The following CAAP1 variants were observed in gnomAD, a reference collection of about 807,000 sequenced individuals.
CAAP1 encodes the protein conserved anti-apoptotic protein.
Under a neutral mutation model 34.0 loss-of-function variants are expected in CAAP1, and 20 were observed. The ratio of observed to expected loss-of-function variants is 0.59; its 90% CI spans 0.41 to 0.86. The LOEUF (loss-of-function observed/expected upper bound fraction) is 0.86, where lower values mean the gene tolerates loss of function less well. Ranked by LOEUF, CAAP1 falls within the 40% of genes least tolerant of loss-of-function variation. The pLI, the probability that CAAP1 is intolerant of heterozygous loss-of-function variation, is 0.00. For missense variants in CAAP1, 538 were observed against 450.5 expected, an observed-to-expected ratio of 1.19 and a Z score of -1.76; for synonymous variants, 213 against 166.7, an observed-to-expected ratio of 1.28 and a Z score of -2.14.
rs529852414 is a variant in CAAP1 at position 26,847,468 on chromosome 9, C to T, written c.740-4821G>A. Reference sequence around the variant, plus strand: ...TGACCTCGTGATCCGCCCGTCTCGGCCTCCCAAAGTGCTGGGATTACAGGA... The same window carrying T: ...TGACCTCGTGATCCGCCCGTCTCGGTCTCCCAAAGTGCTGGGATTACAGGA... On this transcript the variant is annotated intron_variant, in intron 5 of 5. Transcript: ENST00000333916. Among the ~76,000 whole-genome samples, 9 of 152,024 alleles carry T rather than the reference C, an allele frequency of 5.9e-5. No homozygotes were observed. In the South Asian group the frequency reaches 1.9e-3, roughly 32 times the overall value.
At chr9:26,878,169 T>C (rs1823492427) in intron 4 of CAAP1, among the ~76,000 whole-genome samples, 3 of 152,228 alleles carry the variant, frequency 2.0e-5, no homozygotes, top group Non-Finnish European at 4.4e-5. Context: ...CCAAGAATAA[T>C]TCTTCATGCT....
chr9:26,850,839 T>C (rs1267605046), intron 5 of CAAP1, among the ~76,000 whole-genome samples: 1 of 152,226 alleles, frequency 6.6e-6, no homozygotes, highest in Non-Finnish European at 1.5e-5. Context: ...AGGTTGACCA[T>C]CATTTATAAA....
intron 1 of CAAP1, among the ~76,000 whole-genome samples, chr9:26,889,323 C>G (rs1391971442): frequency 6.6e-6 from 1 of 151,996 alleles, no homozygotes; most frequent in African/African-American, 2.4e-5. Context: ...GAGGCTGAGG[C>G]AGAAGAATTG....
At chr9:26,850,919 T>C (rs1162734827) in intron 5 of CAAP1, among the ~76,000 whole-genome samples, 2 of 152,228 alleles carry the variant, frequency 1.3e-5, no homozygotes, top group Non-Finnish European at 2.9e-5. Context: ...AGAAAACCTG[T>C]CTAGTATTCT....
At chr9:26,872,553 A>AATATATAT (rs145299717) in intron 4 of CAAP1, among the ~76,000 whole-genome samples, 18 of 142,560 alleles carry the variant, frequency 1.3e-4, no homozygotes, top group African/African-American at 3.5e-4. Context: ...ATATACATAT[A>AATATATAT]ATATATATAT....
At chr9:26,862,660 A>G (rs1033073628) in intron 4 of CAAP1, among the ~76,000 whole-genome samples, 1 of 152,182 alleles carries the variant, frequency 6.6e-6, no homozygotes, top group Non-Finnish European at 1.5e-5. Flanking sequence ...AAGGGTTGCT[A>G]AAGAGCCAAG....
chr9:26,877,067 T>C (rs906059143), intron 4 of CAAP1, among the ~76,000 whole-genome samples: 1 of 152,128 alleles, frequency 6.6e-6, no homozygotes, highest in Non-Finnish European at 1.5e-5. Context: ...GGCGGATCAC[T>C]TGAGCCCAGG....
At chr9:26,852,043 A>G (rs1262665199) in intron 5 of CAAP1, among the ~76,000 whole-genome samples, 5 of 152,104 alleles carry the variant, frequency 3.3e-5, no homozygotes, top group Admixed American at 3.3e-4. Context: ...ATGTAAAATT[A>G]TTTATTTATT....
At chr9:26,876,191 T>C (rs1322481531) in intron 4 of CAAP1, among the ~76,000 whole-genome samples, 1 of 152,176 alleles carries the variant, frequency 6.6e-6, no homozygotes, top group Non-Finnish European at 1.5e-5. Context: ...GGCTTGTGGA[T>C]CCTTCCTCCA....
chr9:26,861,732 A>G (rs987969480), intron 4 of CAAP1, among the ~76,000 whole-genome samples: 8 of 152,192 alleles, frequency 5.3e-5, no homozygotes, highest in Non-Finnish European at 1.0e-4. Context: ...TATACTTTTC[A>G]GCAAAAAGGT....
intron 5 of CAAP1, among the ~76,000 whole-genome samples, chr9:26,850,918 G>A (rs545540534): frequency 6.6e-6 from 1 of 152,306 alleles, no homozygotes; most frequent in African/African-American, 2.4e-5. Flanking sequence ...AAGAAAACCT[G>A]TCTAGTATTC....
Position 26,844,829 on chromosome 9 carries a change from T to C in CAAP1, c.740-2182A>G, listed in dbSNP as rs112663509. On this transcript the variant is annotated intron_variant, in intron 5 of 5. Transcript: ENST00000333916. ...TTGTCTGTAATCTAGTTTTTTTCTG[T>C]GGCAACTTTCAGGAACTTTTTTTAT... Among the ~76,000 whole-genome samples the C allele has an allele frequency of 7.9e-5, 12 of 152,362 alleles. 2 individuals carry two copies. Among genetic ancestry groups the C allele is most frequent in the African/African-American group, 2.9e-4 (12 of 41,592 alleles).
intron 4 of CAAP1, among the ~76,000 whole-genome samples, chr9:26,865,050 ATG>A (rs774099574): frequency 5.3e-5 from 8 of 152,340 alleles, no homozygotes; most frequent in African/African-American, 1.9e-4. Flanking sequence ...TGCTCTTTAT[ATG>A]TGTCTAAGAG....
chr9:26,858,134 C>T (rs764178295), intron 5 of CAAP1, among the ~76,000 whole-genome samples: 2 of 152,114 alleles, frequency 1.3e-5, no homozygotes, highest in South Asian at 2.1e-4. Context: ...ATTGGTCAAG[C>T]CATTAAAATG....
At chr9:26,843,715 T>C (rs1401867908) in intron 5 of CAAP1, among the ~76,000 whole-genome samples, 1 of 152,108 alleles carries the variant, frequency 6.6e-6, no homozygotes, top group Non-Finnish European at 1.5e-5. Context: ...TGACAGATGG[T>C]AAATTCTGAT....
chr9:26,892,578 G>A lies in CAAP1; in HGVS notation c.138C>T (p.Ala46=), dbSNP rs769087657. ...SSGSTSGCGS[A]GGCGSVSCCG... ...AGCAGCTGACGCTCCCGCAGCCCCC[G>A]GCGCTCCCGCAGCCGCTAGTGCTTC... is the stretch of plus-strand genomic sequence containing the variant. Residue 46 remains alanine, a synonymous_variant, in exon 1 of 6, where the codon GCC becomes GCT. Coordinates refer to ENST00000333916, the MANE Select transcript of CAAP1 (RefSeq NM_024828.4). The A allele has an allele frequency of 4.4e-6, 7 of 1,595,778 alleles. No individual in the cohort carries two copies. In the Admixed American group the frequency reaches 8.7e-5, roughly 20 times the overall value.
chr9:26,875,449 G>T (rs188067027), intron 4 of CAAP1, among the ~76,000 whole-genome samples: 134 of 152,210 alleles, frequency 8.8e-4, no homozygotes, highest in African/African-American at 3.1e-3. Context: ...TATAATAAAA[G>T]AGCATAGGTC....
At chr9:26,889,956 T>C (rs988587267) in intron 1 of CAAP1, among the ~76,000 whole-genome samples, 1 of 150,882 alleles carries the variant, frequency 6.6e-6, no homozygotes, top group Non-Finnish European at 1.5e-5. Flanking sequence ...ACATGCCTAA[T>C]ATGCAATGAC....
intron 5 of CAAP1, among the ~76,000 whole-genome samples, chr9:26,844,574 TATA>T (rs1822553532): frequency 6.6e-6 from 1 of 152,170 alleles, no homozygotes. Flanking sequence ...AGCTGAATAA[TATA>T]ATGAGGGGGT....
Sources: gnomAD v4.1 joint callset for allele counts (sites outside exome capture counted in the v4.1 genomes callset) on GRCh38, gnomAD v4.1.1 for gene constraint, MANE v1.5 for transcripts, NCBI Gene and HGNC (gene_info 2026-07-23, HGNC 2026-07-21) for gene names.